Variants in TMEM67 observed in about 807,000 individuals in gnomAD.
TMEM67 encodes meckelin.
Under a neutral mutation model 136.6 loss-of-function variants are expected in TMEM67, and 124 were observed. The ratio of observed to expected loss-of-function variants is 0.91; its 90% CI spans 0.78 to 1.05. The LOEUF (loss-of-function observed/expected upper bound fraction) is 1.05. TMEM67 is among the 50% of genes least tolerant of loss of function. The pLI, the probability that TMEM67 is intolerant of heterozygous loss-of-function variation, is 0.00. For synonymous variants in TMEM67, 364 were observed against 390.5 expected, an observed-to-expected ratio of 0.93 and a Z score of 0.80; for missense variants, 1,107 against 1,178.4, an observed-to-expected ratio of 0.94 and a Z score of 0.89.
At chr8:93,823,360 A>C (rs1470513992), downstream of TMEM67, among the ~76,000 whole-genome samples, 2 of 151,970 alleles carry the variant, frequency 1.3e-5, no homozygotes, top group Admixed American at 1.3e-4. Context: ...TCCCCTTTGC[A>C]GTGTAAAGTA....
In TMEM67 at chr8:93,755,772, T is replaced by TTTTTG. The variant is rs1812542835; in HGVS notation, c.224-3_224-2insTGTTT. 1 of 1,402,680 alleles carries TTTTTG rather than the reference T, an allele frequency of 7.1e-7. No homozygotes were observed. The highest frequency in any genetic ancestry group is 9.8e-7 in the Non-Finnish European group (1 of 1,022,352). The allele number at this position is 1,402,680 out of a possible 1,614,324, so 86.9% of individuals were successfully genotyped here. A position where few individuals can be genotyped will look rare whatever the true frequency, so the allele number is the denominator to read the frequency against. Reference sequence around the variant, plus strand: ...TTGGCTTTTTTTTTTTTTTTTTTTTTTTTAGGAACTTCATGTGTATGTCTA... The same window carrying TTTTTG: ...TTGGCTTTTTTTTTTTTTTTTTTTTTTTTTGTTTAGGAACTTCATGTGTATGTCTA... On this transcript the variant is annotated splice_region_variant and splice_polypyrimidine_tract_variant and intron_variant, in intron 1 of 27. Transcript: ENST00000453321.
chr8:93,797,047 G>A, intron 18 of TMEM67, 87 bp from the exon 19 acceptor site: 2 of 792,820 alleles, frequency 2.5e-6, no homozygotes, highest in Admixed American at 1.8e-5. Context: ...TGTGATAACA[G>A]TATGTTTCTT....
At chr8:93,796,726 TTTAA>T (rs1312618362) in intron 18 of TMEM67, among the ~76,000 whole-genome samples, 1 of 152,154 alleles carries the variant, frequency 6.6e-6, no homozygotes, top group Admixed American at 6.6e-5. Context: ...ATTCGAAAAC[TTTAA>T]TTAGGAAAAA....
At chr8:93,824,496 A>AT in the TMEM67 span, among the ~76,000 whole-genome samples, 1 of 152,196 alleles carries the variant, frequency 6.6e-6, no homozygotes, top group Non-Finnish European at 1.5e-5. Context: ...CATTCCTCTT[A>AT]TTCTGTCTGC....
chr8:93,789,351 G>A (rs960967914), intron 14 of TMEM67, among the ~76,000 whole-genome samples: 16 of 152,096 alleles, frequency 1.1e-4, no homozygotes, highest in African/African-American at 3.6e-4. Context: ...GTAATGAGAG[G>A]AGAAGAAAAT....
intron 23 of TMEM67, among the ~76,000 whole-genome samples, chr8:93,808,492 G>GATCTATTATAGATATTTATCTATAATAT (rs1563480897): frequency 2.1e-5 from 3 of 143,992 alleles, no homozygotes; most frequent in African/African-American, 2.5e-5. Context: ...ATCTATAATA[G>GATCTATTATAGATATTTATCTATAATAT]ATCTATTATA....
rs1469429504 is a variant in TMEM67, at chr8:93,772,618, A to C, written c.681A>C (p.Ala227=). 5.0e-6 allele frequency: 8 copies of C among 1,612,952 alleles called. No homozygotes were observed. In the East Asian group the frequency reaches 1.3e-4, roughly 27 times the overall value. Residue 227 remains alanine (A), a synonymous_variant, in exon 7 of 28, where the codon GCA becomes GCC. Coordinates refer to ENST00000453321, the MANE Select transcript of TMEM67 (RefSeq NM_153704.6). ...VGMSLTSEWF[A]KYLQSSAAAC... is the part of the protein sequence containing the mutation. The stretch of plus-strand genomic sequence containing the variant: ...TGTCTTTAACTTCAGAATGGTTTGC[A>C]AAGTATTTGCAATCATCAGCAGCTG...
chr8:93,822,156 A>G (rs1809050506), downstream of TMEM67, among the ~76,000 whole-genome samples: 1 of 152,258 alleles, frequency 6.6e-6, no homozygotes, highest in South Asian at 2.1e-4. Flanking sequence ...TAAGGAAGAC[A>G]GGCAACACAA....
intron 7 of TMEM67, among the ~76,000 whole-genome samples, chr8:93,773,248 A>G (rs1260379196): frequency 1.3e-5 from 2 of 152,144 alleles, no homozygotes; most frequent in Admixed American, 6.6e-5. Flanking sequence ...CATGCTTAAG[A>G]GAGAAGGAGG....
In TMEM67 at chr8:93,782,576, T is replaced by TG; in HGVS notation, c.1131+116_1131+117insG. 23 of 751,616 alleles carry TG rather than the reference T, an allele frequency of 3.1e-5. No homozygotes were observed. In the African/African-American group the frequency reaches 3.1e-4, roughly 10 times the overall value. The allele number at this position is 751,616 out of a possible 1,614,324, so 46.6% of individuals were successfully genotyped here. ...TTGGAAATTTTTTATTCTTGGTTTT[T>TG]TTTTTTTTTTTTTTGAGATGGAGTT... On this transcript the variant is annotated intron_variant, in intron 11 of 27. Transcript: ENST00000453321.
At chr8:93,765,146 C>T (rs1813025650) in intron 4 of TMEM67, among the ~76,000 whole-genome samples, 1 of 152,098 alleles carries the variant, frequency 6.6e-6, no homozygotes, top group African/African-American at 2.4e-5. Context: ...ATCTTTCATA[C>T]TCAGAATTAT....
intron 11 of TMEM67, among the ~76,000 whole-genome samples, chr8:93,783,798 A>G (rs1813964811): frequency 6.6e-6 from 1 of 152,004 alleles, no homozygotes; most frequent in African/African-American, 2.4e-5. Flanking sequence ...AAGGGGGAGA[A>G]GCCCCTCATA....
chr8:93,767,745 A>C (rs1219478512), intron 6 of TMEM67, among the ~76,000 whole-genome samples: 1 of 141,454 alleles, frequency 7.1e-6, no homozygotes, highest in Non-Finnish European at 1.5e-5. Flanking sequence ...TTTTTTTGAC[A>C]TGTCCCCATC....
chr8:93,786,444 G>A, intron 13 of TMEM67, 98 bp downstream of exon 13: 1 of 1,391,130 alleles, frequency 7.2e-7, no homozygotes, highest in South Asian at 1.2e-5. Context: ...AACTGAATTG[G>A]AACAGTTGGT....
intron 16 of TMEM67, 48 bp from the exon 17 acceptor site, chr8:93,795,361 A>G (rs1351491546): frequency 1.4e-6 from 2 of 1,431,248 alleles, no homozygotes; most frequent in Non-Finnish European, 2.0e-6. Context: ...TAAAAGTGGT[A>G]TATACATGGA....
Position 93,763,872 on chromosome 8 carries a change from C to A in TMEM67, c.437C>A (p.Ser146Tyr). Residue 146 changes from serine (S) to tyrosine (Y), a missense_variant, in exon 4 of 28, where the codon TCT (serine) becomes TAT (tyrosine). Ser to Tyr is a moderately radical substitution (Grantham distance 144, BLOSUM62 -2). This residue lies in a region of TMEM67 where 925 missense variants were observed against 1,002.4 expected (regional missense o/e 0.92). Transcript: ENST00000453321. ...AGAGACATTAATGGAACATTGTTGTCTCAAGCAACTTGTGAGCTCTGTGAT... is the reference window on the plus strand; with the variant it reads ...AGAGACATTAATGGAACATTGTTGTATCAAGCAACTTGTGAGCTCTGTGAT... ...VERDINGTLL[S>Y]QATCELCDGN... 1 of 1,613,668 alleles carries A rather than the reference C, an allele frequency of 6.2e-7. No individual in the cohort carries two copies. The highest frequency in any genetic ancestry group is 1.1e-5 in the South Asian group (1 of 91,040).
chr8:93,800,809 GAC>G (rs1405909570), intron 21 of TMEM67, among the ~76,000 whole-genome samples: 1 of 152,088 alleles, frequency 6.6e-6, no homozygotes, highest in Non-Finnish European at 1.5e-5. Context: ...TAAATACAGG[GAC>G]AGATAAGCTA....
chr8:93,781,016 C>G, intron 9 of TMEM67, 34 bp downstream of exon 9: 1 of 1,296,584 alleles, frequency 7.7e-7, no homozygotes, highest in Non-Finnish European at 1.1e-6. Context: ...AGGATAACTA[C>G]ATTTTGATTT....
intron 27 of TMEM67, 85 bp from the exon 28 acceptor site, chr8:93,816,287 C>G: frequency 1.6e-6 from 1 of 616,192 alleles, no homozygotes; most frequent in Non-Finnish European, 2.9e-6. Context: ...AGAGAATTAG[C>G]TAATTTAATC....
Sources: allele counts gnomAD v4.1 joint callset (sites outside exome capture counted in the v4.1 genomes callset), GRCh38; gene constraint gnomAD v4.1.1; regional missense constraint gnomAD v4.1.1; transcripts MANE v1.5; gene names NCBI Gene and HGNC (gene_info 2026-07-23, HGNC 2026-07-21).